The following MRPL33 variants were observed in gnomAD, a reference collection of about 807,000 sequenced individuals.
The protein encoded by MRPL33 is mitochondrial ribosomal protein L33.
In MRPL33, 5 loss-of-function variants were observed where a neutral mutation model predicts 10.1. The observed-to-expected ratio is 0.49, with a 90% CI of 0.26 to 1.04. The LOEUF (loss-of-function observed/expected upper bound fraction) is 1.04, where lower values mean the gene tolerates loss of function less well. Ranked by LOEUF, MRPL33 falls within the 50% of genes least tolerant of loss-of-function variation. The pLI, the probability that MRPL33 is intolerant of heterozygous loss-of-function variation, is 0.14. For synonymous variants in MRPL33, 24 were observed against 27.7 expected (o/e 0.87, Z 0.42); for missense variants, 79 against 78.1 (o/e 1.01, Z -0.04).
chr2:27,772,491 C>G lies in MRPL33; in HGVS notation c.23-183C>G, dbSNP rs1558527538. The stretch of plus-strand genomic sequence containing the variant: ...GGTCTGATTGGATCTTTTAACCTTC[C>G]TTCTATAAAATCCTAAGGGGATCCC... On this transcript the variant is annotated intron_variant, in intron 1 of 3. Coordinates refer to ENST00000296102, the MANE Select transcript of MRPL33 (RefSeq NM_004891.4). 3.9e-5 allele frequency: 21 copies of G among 538,196 alleles called. No homozygotes were observed. The South Asian group carries it at 5.0e-4, about 13-fold the overall frequency. 33.3% of individuals were successfully genotyped at this position (538,196 alleles called of 1,614,324 possible). A position where few individuals can be genotyped will look rare whatever the true frequency, so the allele number is the denominator to read the frequency against.
chr2:27,777,338 C>G (rs1677196161), intron 3 of MRPL33, among the ~76,000 whole-genome samples: 4 of 146,540 alleles, frequency 2.7e-5, no homozygotes, highest in South Asian at 2.2e-4. Context: ...AGTCCCTGTT[C>G]TGTCTCTTAC....
chr2:27,772,586 T>C, intron 1 of MRPL33, 88 bp from the exon 2 acceptor site: 1 of 1,043,152 alleles, frequency 9.6e-7, no homozygotes, highest in Non-Finnish European at 1.4e-6. Flanking sequence ...TTTTTGGTTA[T>C]TACTGATATT....
rs1677058019 is a variant in MRPL33 at position 27,771,981 on chromosome 2, A to G, written c.22+182A>G. On this transcript the variant is annotated intron_variant, in intron 1 of 3. Transcript: ENST00000296102. ...CCCCGCGGCGCGCCTCCCTGCGCGGACCTGTGGGTGCCTGAGAAGGGGTCT... is the reference window on the plus strand; with the variant it reads ...CCCCGCGGCGCGCCTCCCTGCGCGGGCCTGTGGGTGCCTGAGAAGGGGTCT... The G allele has an allele frequency of 2.5e-5, 16 of 639,980 alleles. 1 individual carries two copies. Among genetic ancestry groups the G allele is most frequent in the South Asian group, 2.0e-4 (10 of 50,912 alleles). 39.6% of individuals were successfully genotyped at this position (639,980 alleles called of 1,614,324 possible).
intron 2 of MRPL33, among the ~76,000 whole-genome samples, chr2:27,774,147 G>A (rs1677103050): frequency 1.3e-5 from 2 of 152,170 alleles, no homozygotes; most frequent in South Asian, 2.1e-4. Flanking sequence ...AAGGGTGGAT[G>A]TCTGAGGCTA....
intron 3 of MRPL33, among the ~76,000 whole-genome samples, chr2:27,775,951 C>T (rs1677141260): frequency 1.3e-5 from 2 of 152,142 alleles, no homozygotes; most frequent in Admixed American, 1.3e-4. Context: ...ATGTTTTTCT[C>T]CCTCTGATTT....
intron 3 of MRPL33, 84 bp downstream of exon 3, chr2:27,774,614 T>C: frequency 9.7e-7 from 1 of 1,035,716 alleles, no homozygotes; most frequent in South Asian, 1.3e-5. Flanking sequence ...GGTGTTTTTT[T>C]AGCCTCTGAC....
intron 1 of MRPL33, chr2:27,772,187 GC>G (rs1333796828): frequency 3.6e-6 from 1 of 278,122 alleles, no homozygotes; most frequent in Non-Finnish European, 6.8e-6. Context: ...CCTGAGTAAT[GC>G]GGCAGGGCAG....
In MRPL33 at chr2:27,771,818, G is replaced by A. The variant is rs746153037; in HGVS notation, c.22+19G>A. 2 of 1,612,382 alleles carry A rather than the reference G, an allele frequency of 1.2e-6. No individual in the cohort carries two copies. The highest frequency in any genetic ancestry group is 1.3e-5 in the African/African-American group (1 of 74,894). ...GTCTTCTGTAAGTGGGGCTGGAGAC[G>A]CCGGTAGGGGTTACGGCGAGGGTTA... On this transcript the variant is annotated intron_variant, in intron 1 of 3. Transcript: ENST00000296102.
At chr2:27,778,656 G>A (rs754229391) in intron 3 of MRPL33, among the ~76,000 whole-genome samples, 1 of 152,046 alleles carries the variant, frequency 6.6e-6, no homozygotes, top group African/African-American at 2.4e-5. Flanking sequence ...CCGGGTTCAA[G>A]TGATTCTCCT....
At chr2:27,776,169 C>T (rs567645472) in intron 3 of MRPL33, among the ~76,000 whole-genome samples, 18 of 152,360 alleles carry the variant, frequency 1.2e-4, no homozygotes, top group African/African-American at 4.1e-4. Flanking sequence ...AAAAGATTCA[C>T]GTATAAATTT....
At chr2:27,778,053 A>T (rs1677209622) in intron 3 of MRPL33, among the ~76,000 whole-genome samples, 1 of 152,246 alleles carries the variant, frequency 6.6e-6, no homozygotes, top group East Asian at 1.9e-4. Context: ...TGTTAAAAAG[A>T]TCCCTTATGT....
chr2:27,779,623 G>A lies in MRPL33; in HGVS notation c.*141G>A, dbSNP rs150589226. ...CCTGTGATTTGAAGGCCATTGTGAA[G>A]GAAAACAATGCAGTGAAAGAAAGTT... is the stretch of plus-strand genomic sequence containing the variant. On this transcript the variant is annotated 3_prime_UTR_variant, in exon 4 of 4. Coordinates refer to ENST00000296102, the MANE Select transcript of MRPL33 (RefSeq NM_004891.4). The A allele has an allele frequency of 1.0e-4, 157 of 1,520,144 alleles. No individual in the cohort carries two copies. The African/African-American group carries it at 1.9e-3, about 19-fold the overall frequency. The allele number at this position is 1,520,144 out of a possible 1,614,324, so 94.2% of individuals were successfully genotyped here. A position where few individuals can be genotyped will look rare whatever the true frequency, so the allele number is the denominator to read the frequency against.
At chr2:27,771,896 A>C in intron 1 of MRPL33, 97 bp downstream of exon 1, 1 of 1,279,464 alleles carries the variant, frequency 7.8e-7, no homozygotes, top group Non-Finnish European at 1.1e-6. Context: ...ATGTGCGAAC[A>C]GGACGGGAAG....
In MRPL33 at chr2:27,774,498, A is replaced by G; in HGVS notation, c.116A>G (p.Glu39Gly). The G allele has an allele frequency of 1.2e-6, 2 of 1,614,024 alleles. No individual in the cohort carries two copies. The highest frequency in any genetic ancestry group is 1.7e-6 in the Non-Finnish European group (2 of 1,179,874). Residue 39 changes from glutamate (E) to glycine (G), a missense_variant, in exon 3 of 4, where the codon GAA becomes GGA. By Grantham distance (98) the Glu-to-Gly change is moderately conservative (BLOSUM62 -2). Coordinates refer to ENST00000296102, the MANE Select transcript of MRPL33 (RefSeq NM_004891.4). ...CFNTKRNRLR[E>G]KLTLLHYDPV... ...AACACCAAGAGAAACCGACTGCGGG[A>G]AAAACTGACTCTTTTGCATTATGAT...
chr2:27,774,612 T>C lies in MRPL33; in HGVS notation c.148+82T>C, dbSNP rs149649254. 346 of 1,063,544 alleles carry C rather than the reference T, an allele frequency of 3.3e-4. No individual in the cohort carries two copies. In the Middle Eastern group the frequency reaches 4.9e-3, roughly 15 times the overall value. The allele number at this position is 1,063,544 out of a possible 1,614,324, so 65.9% of individuals were successfully genotyped here. A position where few individuals can be genotyped will look rare whatever the true frequency, so the allele number is the denominator to read the frequency against. ...CATCTGAACTCTCTGGAGGTGTTTTTTTAGCCTCTGACACTAGCATTCATT... is the reference window on the plus strand; with the variant it reads ...CATCTGAACTCTCTGGAGGTGTTTTCTTAGCCTCTGACACTAGCATTCATT... On this transcript the variant is annotated intron_variant, in intron 3 of 3. Transcript: ENST00000296102.
intron 3 of MRPL33, among the ~76,000 whole-genome samples, chr2:27,777,895 A>G (rs1386905515): frequency 1.6e-4 from 24 of 152,132 alleles, no homozygotes; most frequent in Admixed American, 1.6e-3. Flanking sequence ...TCCCTGTAGA[A>G]AACCATGGGG....
chr2:27,777,100 G>A (rs74974644), intron 3 of MRPL33, among the ~76,000 whole-genome samples: 7,743 of 152,212 alleles, frequency 0.051, 314 homozygotes, highest in Non-Finnish European at 0.077. Flanking sequence ...GACTGGTCTC[G>A]AACTCCTGAG....
Position 27,779,589 on chromosome 2 carries a change from TCA to T in MRPL33, c.*109_*110del. The T allele has an allele frequency of 6.3e-7, 1 of 1,583,602 alleles. No homozygotes were observed. The highest frequency in any genetic ancestry group is 1.4e-5 in the African/African-American group (1 of 73,448). ...TAAAAGAAGAGGAAATGGCATGGAA[TCA>T]CTGCCTCCTGTGATTTGAAGGCCAT... On this transcript the variant is annotated 3_prime_UTR_variant, in exon 4 of 4. Transcript: ENST00000296102.
chr2:27,772,408 AAGGT>A, intron 1 of MRPL33: 1 of 392,072 alleles, frequency 2.6e-6, no homozygotes, highest in South Asian at 4.8e-5. Context: ...AAAGATTTAA[AAGGT>A]AGCCAGTCCA....
Sources: allele counts gnomAD v4.1 joint callset (sites outside exome capture counted in the v4.1 genomes callset), GRCh38; gene constraint gnomAD v4.1.1; transcripts MANE v1.5; gene names NCBI Gene and HGNC (gene_info 2026-07-23, HGNC 2026-07-21).